ZNF667: variants seen among roughly 807,000 people sequenced by gnomAD.
The protein encoded by ZNF667 is myocardial ischemic preconditioning upregulated 1 ortholog.
In ZNF667, 13 loss-of-function variants were observed where a neutral mutation model predicts 31.8. That is an observed-to-expected ratio of 0.41 (90% CI 0.27 to 0.65). ZNF667 has a LOEUF of 0.65. ZNF667 is among the 30% of genes least tolerant of loss of function. The pLI is 0.32. For missense variants in ZNF667, 642 were observed against 725.6 expected (o/e 0.88, Z 1.32); for synonymous variants, 228 against 247.1 (o/e 0.92, Z 0.73).
At position 56,441,951 on chromosome 19, in the gene ZNF667, G is replaced by A; in HGVS notation, c.1044C>T (p.His348=). The A allele has an allele frequency of 6.2e-7, 1 of 1,614,024 alleles. No homozygotes were observed. The highest frequency in any genetic ancestry group is 8.5e-7 in the Non-Finnish European group (1 of 1,179,996). The part of the protein sequence containing the change: ...LFNRISPLML[H]QRIHTSEKPY... ...GTTTCTCTGAAGTGTGAATTCTCTG[G>A]TGAAGCATCAGGGGTGAAATCCTAT... The change falls in exon 7 of 7, where the codon CAC becomes CAT. Residue 348 remains histidine (H), a synonymous_variant. Coordinates refer to ENST00000504904, the MANE Select transcript of ZNF667 (RefSeq NM_001321356.2). The surrounding 1 kb of genome is among the most constrained non-coding windows in gnomAD (Gnocchi z 4.2).
At chr19:56,469,935 A>G (rs2043251404) in intron 3 of ZNF667, 1 of 494,160 alleles carries the variant, frequency 2.0e-6, no homozygotes, top group African/African-American at 1.9e-5. Context: ...GGGTAGGGGT[A>G]TGCTTCACAT....
chr19:56,466,093 G>A (rs928425717), intron 3 of ZNF667, among the ~76,000 whole-genome samples: 3 of 152,158 alleles, frequency 2.0e-5, no homozygotes, highest in African/African-American at 7.2e-5. Flanking sequence ...GTTCTAACTC[G>A]TTACTAAGGG....
At position 56,441,583 on chromosome 19, in the gene ZNF667, T is replaced by C. The variant is rs1048866859; in HGVS notation, c.1412A>G (p.Tyr471Cys). Residue 471 changes from tyrosine (Y) to cysteine (C), a missense_variant, in exon 7 of 7, where the codon TAC becomes TGC. Tyr to Cys is a radical substitution (Grantham distance 194). Coordinates refer to ENST00000504904, the MANE Select transcript of ZNF667 (RefSeq NM_001321356.2). This position sits in a 1 kb window ranked among gnomAD's most constrained non-coding sequence, Gnocchi z 4.2. ...GGCTTTTCCACATTCCTCACACTGG[T>C]AGGGTTTTTCTCCAGTATGAATTCT... ...HQRIHTGEKPYQCEECGKAFS... is the reference protein window; with the variant it reads ...HQRIHTGEKPCQCEECGKAFS... 6.2e-7 allele frequency: 1 copy of C among 1,614,152 alleles called. No homozygotes were observed. The highest frequency in any genetic ancestry group is 8.5e-7 in the Non-Finnish European group (1 of 1,180,014).
intron 6 of ZNF667, among the ~76,000 whole-genome samples, chr19:56,456,830 C>T (rs1199115173): frequency 6.6e-6 from 1 of 152,156 alleles, no homozygotes; most frequent in Non-Finnish European, 1.5e-5. Flanking sequence ...CTGTTTTTGT[C>T]TTTTCCTTTT....
At chr19:56,469,810 A>T in intron 3 of ZNF667, 1 of 405,620 alleles carries the variant, frequency 2.5e-6, no homozygotes. Flanking sequence ...ACCAGCATCC[A>T]GCACACGGAA....
Position 56,442,348 on chromosome 19 carries a change from A to G in ZNF667, c.647T>C (p.Ile216Thr), listed in dbSNP as rs773669270. 2 of 1,614,076 alleles carry G rather than the reference A, an allele frequency of 1.2e-6. No homozygotes were observed. Among genetic ancestry groups the G allele is most frequent in the Non-Finnish European group, 1.7e-6 (2 of 1,179,964 alleles). The change falls in exon 7 of 7, where the codon ATT becomes ACT. Residue 216 changes from isoleucine to threonine, a missense_variant. By Grantham distance (89) the Ile-to-Thr change is moderately conservative (BLOSUM62 -1). Coordinates refer to ENST00000504904, the MANE Select transcript of ZNF667 (RefSeq NM_001321356.2). ...GESFNQRTTL[I>T]LHMRIHDGKE... ...TCCATCATGAATTCTCATATGTAGA[A>G]TAAGGGTTGTTCTTTGATTGAAGCT...
At chr19:56,457,387 G>C (rs2042956110) in intron 6 of ZNF667, among the ~76,000 whole-genome samples, 1 of 152,164 alleles carries the variant, frequency 6.6e-6, no homozygotes, top group African/African-American at 2.4e-5. Flanking sequence ...TCTGGAAACA[G>C]GCAGAGGCTG....
At chr19:56,467,146 G>A (rs937051138) in intron 3 of ZNF667, 4 of 430,890 alleles carry the variant, frequency 9.3e-6, no homozygotes, top group Non-Finnish European at 1.9e-5. Context: ...GTGCCATGCC[G>A]GCCACATCAT....
chr19:56,461,375 T>C (rs780452956), intron 4 of ZNF667, among the ~76,000 whole-genome samples: 5 of 152,236 alleles, frequency 3.3e-5, no homozygotes, highest in Admixed American at 6.5e-5. Context: ...GCAGATTATC[T>C]TGGACTTGAC....
At position 56,441,507 on chromosome 19, in the gene ZNF667, A is replaced by G. The variant is rs749788588; in HGVS notation, c.1488T>C (p.Asp496=). ...CACACTGATCACATTCATAGGGTCTATCTTCAGTATGAATTCTCTTATGTC... is the reference window on the plus strand; with the variant it reads ...CACACTGATCACATTCATAGGGTCTGTCTTCAGTATGAATTCTCTTATGTC... ...LTRHKRIHTE[D]RPYECDQCGK... is the part of the protein sequence containing the mutation. The change falls in exon 7 of 7, where the codon GAT becomes GAC. Residue 496 remains aspartate, a synonymous_variant. Transcript: ENST00000504904. The surrounding 1 kb of genome is among the most constrained non-coding windows in gnomAD (Gnocchi z 4.2). The G allele has an allele frequency of 4.3e-6, 7 of 1,614,036 alleles. No homozygotes were observed. In the African/African-American group the frequency reaches 6.7e-5, roughly 15 times the overall value.
At chr19:56,462,263 T>G in intron 4 of ZNF667, 75 bp downstream of exon 4, 3 of 1,581,954 alleles carry the variant, frequency 1.9e-6, no homozygotes, top group South Asian at 1.1e-5. Flanking sequence ...CAAGTCTCCA[T>G]GGAAGGAAAG....
At chr19:56,448,562 C>G (rs531057845) in intron 6 of ZNF667, among the ~76,000 whole-genome samples, 25 of 151,998 alleles carry the variant, frequency 1.6e-4, no homozygotes, top group Admixed American at 6.5e-4. Context: ...CCAGGCAGCA[C>G]AGCTGGCAGC....
chr19:56,451,037 T>C (rs1568842373), intron 6 of ZNF667, among the ~76,000 whole-genome samples: 1 of 151,078 alleles, frequency 6.6e-6, no homozygotes, highest in Non-Finnish European at 1.5e-5. Context: ...AGCCACAGAG[T>C]GGCTGGATGA....
chr19:56,471,359 TACAC>T (rs1384110088), intron 3 of ZNF667, among the ~76,000 whole-genome samples: 2 of 152,234 alleles, frequency 1.3e-5, no homozygotes, highest in African/African-American at 4.8e-5. Context: ...AACAGACTAA[TACAC>T]ACTCCCACCA....
At chr19:56,476,231 A>G (rs1181079006) in intron 1 of ZNF667, among the ~76,000 whole-genome samples, 2 of 152,108 alleles carry the variant, frequency 1.3e-5, no homozygotes, top group East Asian at 3.9e-4. Context: ...TTTCCAAGCT[A>G]CCTTGGTAGG....
chr19:56,457,643 T>G (rs538908490), intron 6 of ZNF667, among the ~76,000 whole-genome samples: 2 of 152,316 alleles, frequency 1.3e-5, no homozygotes, highest in South Asian at 4.1e-4. Flanking sequence ...CTGAAGAGAC[T>G]TGAATTCTCT....
At position 56,441,630 on chromosome 19, in the gene ZNF667, T is replaced by C. The variant is rs1426331506; in HGVS notation, c.1365A>G (p.Gln455=). The change falls in exon 7 of 7, where the codon CAA becomes CAG. Residue 455 remains glutamine (Q), a synonymous_variant. Transcript: ENST00000504904. This position sits in a 1 kb window ranked among gnomAD's most constrained non-coding sequence, Gnocchi z 4.2. Reference sequence around the variant, plus strand: ...TTCTTTGATGTTCAATAAGAAATGATTGGCGGCCGAAAACTTTACTACATT... The same window carrying C: ...TTCTTTGATGTTCAATAAGAAATGACTGGCGGCCGAAAACTTTACTACATT... ...CNKCSKVFGR[Q]SFLIEHQRIH... 3.2e-5 allele frequency: 52 copies of C among 1,613,960 alleles called. No homozygotes were observed. The highest frequency in any genetic ancestry group is 4.3e-5 in the Non-Finnish European group (51 of 1,179,998).
At chr19:56,469,944 A>G (rs764427595) in intron 3 of ZNF667, 2 of 493,886 alleles carry the variant, frequency 4.0e-6, no homozygotes, top group Non-Finnish European at 8.1e-6. Flanking sequence ...TATGCTTCAC[A>G]TGTATCAGGT....
At chr19:56,450,664 C>T (rs2042803876) in intron 6 of ZNF667, among the ~76,000 whole-genome samples, 1 of 152,158 alleles carries the variant, frequency 6.6e-6, no homozygotes, top group African/African-American at 2.4e-5. Flanking sequence ...GCAACTACAA[C>T]AACTCAAGAC....
Sources: allele counts gnomAD v4.1 joint callset (sites outside exome capture counted in the v4.1 genomes callset), GRCh38; gene constraint gnomAD v4.1.1; non-coding constraint Gnocchi (gnomAD v3.1); transcripts MANE v1.5; gene names NCBI Gene and HGNC (gene_info 2026-07-23, HGNC 2026-07-21).